SYAP1: variants seen among roughly 807,000 people sequenced by gnomAD.
SYAP1 encodes the protein synapse-associated protein 1.
SYAP1 carries 3 observed loss-of-function variants against 29.6 expected under a neutral mutation model. The observed-to-expected ratio is 0.10, with a 90% CI of 0.05 to 0.26. The LOEUF (loss-of-function observed/expected upper bound fraction) is 0.26, where lower values mean the gene tolerates loss of function less well. SYAP1 is among the 10% of genes least tolerant of loss of function. The pLI is 1.00. For synonymous variants in SYAP1, 102 were observed against 102.7 expected (o/e 0.99, Z 0.04); for missense variants, 217 against 264.1 (o/e 0.82, Z 1.24).
At chrX:16,721,530 A>G (rs1032928083) in intron 1 of SYAP1, among the ~76,000 whole-genome samples, 3 of 107,558 alleles carry the variant, frequency 2.8e-5, no homozygotes, top group African/African-American at 1.0e-4. Context: ...GTATAATCTC[A>G]GCCCAAGGCC....
chrX:16,751,526 CA>C (rs1159423361), intron 5 of SYAP1, among the ~76,000 whole-genome samples: 1 of 100,304 alleles, frequency 1.0e-5, no homozygotes, highest in African/African-American at 3.6e-5. Flanking sequence ...AAAAAAACAA[CA>C]AAAAAAAATT....
At chrX:16,728,111 G>A (rs1435020674) in intron 1 of SYAP1, among the ~76,000 whole-genome samples, 2 of 111,920 alleles carry the variant, frequency 1.8e-5, no homozygotes, top group Admixed American at 9.5e-5. Flanking sequence ...CAGTAGCTCA[G>A]AAGAAAAGTT....
At chrX:16,745,325 G>T (rs2147429904) in intron 5 of SYAP1, among the ~76,000 whole-genome samples, 1 of 112,112 alleles carries the variant, frequency 8.9e-6, no homozygotes, top group South Asian at 3.7e-4. Context: ...AGAGCAGCTT[G>T]GCTCCCCTCC....
intron 1 of SYAP1, among the ~76,000 whole-genome samples, chrX:16,734,250 G>A (rs1353267415): frequency 9.2e-6 from 1 of 108,546 alleles, no homozygotes; most frequent in Non-Finnish European, 1.9e-5. Flanking sequence ...GTGGTGGCGG[G>A]CGCCTGTAAT....
intron 1 of SYAP1, among the ~76,000 whole-genome samples, chrX:16,725,198 G>A (rs369614183): frequency 8.9e-6 from 1 of 112,365 alleles, no homozygotes. Flanking sequence ...CCAGCAGGTC[G>A]CTAAGTCGTA....
At chrX:16,740,309 C>CCCTAT (rs1287775714) in intron 3 of SYAP1, among the ~76,000 whole-genome samples, 2 of 108,536 alleles carry the variant, frequency 1.8e-5, no homozygotes, top group Non-Finnish European at 3.8e-5. Context: ...TTGATTCCAG[C>CCCTAT]CCTATTGTTT....
At chrX:16,758,634 C>G (rs1225718552) in intron 8 of SYAP1, among the ~76,000 whole-genome samples, 6 of 110,262 alleles carry the variant, frequency 5.4e-5, no homozygotes, top group African/African-American at 2.0e-4. Context: ...ACATGCCTGG[C>G]CCCAATAGTC....
chrX:16,727,334 G>T (rs1348901231), intron 1 of SYAP1, among the ~76,000 whole-genome samples: 2 of 99,625 alleles, frequency 2.0e-5, no homozygotes, highest in Admixed American at 1.1e-4. Context: ...AGGAATCTGA[G>T]ATAAGACTTT....
chrX:16,751,241 A>G (rs1055095450), intron 5 of SYAP1, among the ~76,000 whole-genome samples: 1 of 108,160 alleles, frequency 9.2e-6, no homozygotes, highest in Non-Finnish European at 1.9e-5. Flanking sequence ...TCACGAGGTC[A>G]GGAGATCTAG....
At chrX:16,720,919 A>G (rs1172940080) in intron 1 of SYAP1, among the ~76,000 whole-genome samples, 2 of 110,631 alleles carry the variant, frequency 1.8e-5, no homozygotes, top group African/African-American at 6.6e-5. Context: ...AGGCTGAGGC[A>G]GGAGAATCGC....
intron 3 of SYAP1, among the ~76,000 whole-genome samples, chrX:16,739,643 G>A (rs1326020456): frequency 9.0e-6 from 1 of 110,645 alleles, no homozygotes; most frequent in African/African-American, 3.3e-5. Flanking sequence ...AGCACTTGCT[G>A]GGTCACCAGC....
chrX:16,744,920 C>T (rs1485547189), intron 5 of SYAP1, among the ~76,000 whole-genome samples: 1 of 112,041 alleles, frequency 8.9e-6, no homozygotes. Context: ...GAGCCATGAT[C>T]ACGCCACTGG....
At chrX:16,735,529 G>A (rs1320156139) in intron 2 of SYAP1, among the ~76,000 whole-genome samples, 184 bp downstream of exon 2, 1 of 112,100 alleles carries the variant, frequency 8.9e-6, no homozygotes, top group Non-Finnish European at 1.9e-5. Context: ...TTAAATTACA[G>A]TACTTGATTT....
intron 5 of SYAP1, among the ~76,000 whole-genome samples, chrX:16,748,500 C>G (rs1926657136): frequency 8.9e-6 from 1 of 112,233 alleles, no homozygotes; most frequent in Non-Finnish European, 1.9e-5. Flanking sequence ...ATATTAGTAG[C>G]TTAACCCTTC....
intron 1 of SYAP1, among the ~76,000 whole-genome samples, chrX:16,729,516 C>G (rs1405753627): frequency 1.9e-5 from 2 of 104,129 alleles, no homozygotes; most frequent in African/African-American, 3.6e-5. Context: ...GACAGAGTCT[C>G]ACTTTGTCAC....
chrX:16,748,824 G>A (rs1602332904), intron 5 of SYAP1, among the ~76,000 whole-genome samples: 1 of 106,538 alleles, frequency 9.4e-6, no homozygotes, highest in African/African-American at 3.5e-5. Context: ...GTGCGATCTC[G>A]GCTCACTGCA....
intron 5 of SYAP1, among the ~76,000 whole-genome samples, chrX:16,750,655 C>G (rs964517884): frequency 4.5e-5 from 5 of 110,848 alleles, no homozygotes; most frequent in African/African-American, 1.6e-4. Flanking sequence ...GCTTCCAGGC[C>G]TAGCTTCTCC....
At chrX:16,740,659 CT>C (rs1926439810) in intron 3 of SYAP1, among the ~76,000 whole-genome samples, 1 of 111,259 alleles carries the variant, frequency 9.0e-6, no homozygotes, top group African/African-American at 3.3e-5. Context: ...TGTGTGTGCC[CT>C]TTTTTTCCTT....
chrX:16,729,910 T>A (rs1257887047), intron 1 of SYAP1, among the ~76,000 whole-genome samples: 1 of 112,465 alleles, frequency 8.9e-6, no homozygotes, highest in African/African-American at 3.2e-5. Context: ...ACCTTCATCT[T>A]TATTTTATCC....
Sources: allele counts gnomAD v4.1 joint callset (sites outside exome capture counted in the v4.1 genomes callset), GRCh38; gene constraint gnomAD v4.1.1; transcripts MANE v1.5; gene names NCBI Gene and HGNC (gene_info 2026-07-23, HGNC 2026-07-21).